Variants in NREP observed in about 807,000 individuals in gnomAD.
NREP encodes the protein neuronal regeneration related protein.
A neutral mutation model predicts 8.6 loss-of-function variants in NREP; 5 were observed. The ratio of observed to expected loss-of-function variants is 0.58; its 90% CI spans 0.30 to 1.22. NREP has a LOEUF of 1.22. Among genes scored for constraint, NREP ranks in the 50% most tolerant of loss-of-function variants. The pLI is 0.07. For synonymous variants in NREP, 27 were observed against 28.0 expected (o/e 0.96, Z 0.11); for missense variants, 86 against 82.5 (o/e 1.04, Z -0.17).
intron 2 of NREP, among the ~76,000 whole-genome samples, chr5:111,820,194 C>G (rs1752485908): frequency 6.6e-6 from 1 of 152,136 alleles, no homozygotes; most frequent in Non-Finnish European, 1.5e-5. Context: ...CAACAAACAG[C>G]TCAAAATGTG....
At chr5:111,925,606 C>T (rs1450064405) in intron 2 of NREP, among the ~76,000 whole-genome samples, 7 of 152,276 alleles carry the variant, frequency 4.6e-5, no homozygotes, top group African/African-American at 1.7e-4. Flanking sequence ...GAGTAATAAA[C>T]TTGTACTTTA....
chr5:111,971,835 T>A (rs771932929), intron 2 of NREP, among the ~76,000 whole-genome samples: 1 of 151,980 alleles, frequency 6.6e-6, no homozygotes, highest in African/African-American at 2.4e-5. Context: ...GACTGGACAA[T>A]GATTTTTTTT....
chr5:111,933,414 T>A (rs1200708654), intron 2 of NREP, among the ~76,000 whole-genome samples: 1 of 152,094 alleles, frequency 6.6e-6, no homozygotes, highest in Non-Finnish European at 1.5e-5. Context: ...ATGGAATAAT[T>A]TTTCAGTGGT....
chr5:111,757,685 G>T (rs948519489), upstream of NREP: 7 of 983,816 alleles, frequency 7.1e-6, no homozygotes, highest in African/African-American at 1.2e-4. Flanking sequence ...ACCGCGCGGC[G>T]CCCCGGGGAG....
intron 2 of NREP, among the ~76,000 whole-genome samples, chr5:111,762,737 A>C (rs1325223157): frequency 6.6e-6 from 1 of 152,192 alleles, no homozygotes; most frequent in Non-Finnish European, 1.5e-5. Flanking sequence ...AGAACTGTAA[A>C]GAAATGAATG....
At chr5:111,874,823 G>A (rs2112502462) in intron 2 of NREP, among the ~76,000 whole-genome samples, 1 of 152,214 alleles carries the variant, frequency 6.6e-6, no homozygotes, top group Non-Finnish European at 1.5e-5. Flanking sequence ...ACTCCCCATT[G>A]TAAAGTGAAC....
At chr5:111,908,853 T>G (rs868821950) in intron 2 of NREP, among the ~76,000 whole-genome samples, 197 of 151,796 alleles carry the variant, frequency 1.3e-3, no homozygotes, top group African/African-American at 4.6e-3. Context: ...ATCTCCATAC[T>G]GCATTCCCTT....
At chr5:111,947,199 A>T (rs1171700865) in intron 2 of NREP, among the ~76,000 whole-genome samples, 3 of 152,058 alleles carry the variant, frequency 2.0e-5, no homozygotes, top group Admixed American at 1.3e-4. Flanking sequence ...GTCTGTACAC[A>T]GTAGCTACTT....
In NREP at chr5:111,850,817, C is replaced by T. The variant is rs532513566; in HGVS notation, c.136-115310G>A. 1.0e-3 allele frequency among the ~76,000 whole-genome samples: 152 copies of T among 152,270 alleles called. No individual in the cohort carries two copies. The South Asian group carries it at 0.011, about 11-fold the overall frequency. ...GATGGAGGGTGTCTAGGTTTGATCA[C>T]ACCAGTTCCCTAAGAAAGACTGTAA... On this transcript the variant is annotated intron_variant, in intron 2 of 3. Coordinates refer to the NREP transcript ENST00000395634.
intron 2 of NREP, among the ~76,000 whole-genome samples, chr5:111,743,914 T>G (rs1157023324): frequency 6.6e-6 from 1 of 152,192 alleles, no homozygotes; most frequent in South Asian, 2.1e-4. Flanking sequence ...CTTATGAAAA[T>G]TTTCCCCCAA....
intron 2 of NREP, among the ~76,000 whole-genome samples, chr5:111,963,865 C>T (rs995550582): frequency 3.3e-5 from 5 of 152,180 alleles, no homozygotes; most frequent in African/African-American, 9.7e-5. Context: ...TTCATATCCA[C>T]TTCTTTTTCT....
At chr5:111,809,870 C>CGCGCGT (rs1225782852) in intron 2 of NREP, among the ~76,000 whole-genome samples, 2 of 144,114 alleles carry the variant, frequency 1.4e-5, no homozygotes, top group African/African-American at 5.2e-5. Flanking sequence ...GGGACTTTGG[C>CGCGCGT]GTGTGTGTGT....
intron 2 of NREP, among the ~76,000 whole-genome samples, chr5:111,972,611 C>T (rs549735318): frequency 6.6e-6 from 1 of 152,182 alleles, no homozygotes; most frequent in Non-Finnish European, 1.5e-5. Flanking sequence ...GGGATGGGCT[C>T]CCAAGATGGA....
At chr5:111,731,116 C>T in intron 3 of NREP, 70 bp from the exon 4 acceptor site, 1 of 1,568,418 alleles carries the variant, frequency 6.4e-7, no homozygotes, top group Non-Finnish European at 8.7e-7. Context: ...CTTCTGAAAC[C>T]ATTTTTTAAA....
chr5:111,958,560 C>T (rs1197084132), intron 2 of NREP, among the ~76,000 whole-genome samples: 5 of 151,732 alleles, frequency 3.3e-5, no homozygotes, highest in Non-Finnish European at 7.4e-5. Context: ...AAATTTCATT[C>T]AAAATATTAA....
chr5:111,944,568 A>G (rs113391306), intron 2 of NREP, among the ~76,000 whole-genome samples: 1 of 152,138 alleles, frequency 6.6e-6, no homozygotes, highest in Non-Finnish European at 1.5e-5. Flanking sequence ...TGGGCTCCCA[A>G]AGTGCTGGGA....
intron 2 of NREP, among the ~76,000 whole-genome samples, chr5:111,915,772 T>C (rs771122210): frequency 3.9e-5 from 6 of 152,156 alleles, no homozygotes; most frequent in Non-Finnish European, 5.9e-5. Context: ...TTTTCACTGT[T>C]TTCTGTTATA....
intron 2 of NREP, among the ~76,000 whole-genome samples, chr5:111,748,432 G>A (rs1246767860): frequency 1.3e-5 from 2 of 152,088 alleles, no homozygotes; most frequent in Non-Finnish European, 2.9e-5. Flanking sequence ...ACCTGGTCCT[G>A]CCCAGAAATA....
intron 2 of NREP, among the ~76,000 whole-genome samples, chr5:111,799,992 T>C (rs1751964759): frequency 6.6e-6 from 1 of 152,124 alleles, no homozygotes; most frequent in South Asian, 2.1e-4. Context: ...TGATCTCAGC[T>C]CACCGCAACC....
Sources: gnomAD v4.1 joint callset for allele counts (sites outside exome capture counted in the v4.1 genomes callset) on GRCh38, gnomAD v4.1.1 for gene constraint, MANE v1.5 for transcripts, NCBI Gene and HGNC (gene_info 2026-07-23, HGNC 2026-07-21) for gene names.